The following MLLT10 variants were observed in gnomAD, a reference collection of about 807,000 sequenced individuals.
MLLT10 encodes the protein protein AF-10.
A neutral mutation model predicts 129.1 loss-of-function variants in MLLT10; 30 were observed. That is an observed-to-expected ratio of 0.23 (90% CI 0.17 to 0.32). The LOEUF is 0.32. Among genes scored for constraint, MLLT10 ranks in the 10% least tolerant of loss-of-function variants. The pLI is 1.00. For missense variants in MLLT10, 1,119 were observed against 1,268.3 expected, an observed-to-expected ratio of 0.88 and a Z score of 1.79; for synonymous variants, 490 against 446.4, an observed-to-expected ratio of 1.10 and a Z score of -1.23.
chr10:21,594,662 C>A (rs910685072), intron 4 of MLLT10, among the ~76,000 whole-genome samples: 4 of 149,716 alleles, frequency 2.7e-5, no homozygotes, highest in Non-Finnish European at 4.4e-5. Context: ...CTAGGACTTT[C>A]ATTCTTTTCC....
intron 3 of MLLT10, among the ~76,000 whole-genome samples, chr10:21,572,877 C>T (rs961951909): frequency 2.6e-5 from 4 of 152,134 alleles, no homozygotes; most frequent in African/African-American, 9.7e-5. Flanking sequence ...TTCCAAAGTG[C>T]TGGGATTACA....
At chr10:21,565,009 ACT>A (rs1019763301) in intron 3 of MLLT10, among the ~76,000 whole-genome samples, 2 of 151,658 alleles carry the variant, frequency 1.3e-5, no homozygotes, top group African/African-American at 4.8e-5. Context: ...GCATTTCTCC[ACT>A]CTGTTCCATC....
intron 16 of MLLT10, among the ~76,000 whole-genome samples, chr10:21,728,153 G>A (rs1457127043): frequency 6.6e-6 from 1 of 152,152 alleles, no homozygotes; most frequent in Non-Finnish European, 1.5e-5. Flanking sequence ...TTTCCAATCA[G>A]TTCGAACTCT....
chr10:21,534,844 C>G, intron 2 of MLLT10, 40 bp downstream of exon 2: 3 of 1,498,654 alleles, frequency 2.0e-6, no homozygotes, highest in Non-Finnish European at 2.7e-6. Flanking sequence ...CCGGCCTGCG[C>G]CCAACGGTCA....
chr10:21,665,310 G>T (rs990230339), intron 9 of MLLT10, among the ~76,000 whole-genome samples: 2 of 133,538 alleles, frequency 1.5e-5, no homozygotes, highest in Non-Finnish European at 3.2e-5. Context: ...TTGGGGGGGG[G>T]GGGGTTTCAC....
intron 8 of MLLT10, among the ~76,000 whole-genome samples, chr10:21,624,019 G>A (rs1263284603): frequency 6.6e-6 from 1 of 152,034 alleles, no homozygotes; most frequent in African/African-American, 2.4e-5. Flanking sequence ...CATGGCTTTT[G>A]ACGTTTAAGC....
intron 8 of MLLT10, among the ~76,000 whole-genome samples, chr10:21,643,950 G>A (rs2048250171): frequency 6.6e-6 from 1 of 151,988 alleles, no homozygotes; most frequent in African/African-American, 2.4e-5. Flanking sequence ...TTTAAAATTT[G>A]CATTACTGTG....
intron 5 of MLLT10, among the ~76,000 whole-genome samples, chr10:21,612,000 A>C (rs1340505771): frequency 6.6e-6 from 1 of 152,212 alleles, no homozygotes; most frequent in African/African-American, 2.4e-5. Flanking sequence ...CCCTTGTTAC[A>C]GGAATCAGTC....
Position 21,670,483 on chromosome 10 carries a change from G to A in MLLT10, c.830G>A (p.Gly277Glu), listed in dbSNP as rs753056738. The A allele has an allele frequency of 6.2e-7, 1 of 1,613,962 alleles. No homozygotes were observed. The highest frequency in any genetic ancestry group is 1.7e-5 in the Admixed American group (1 of 60,006). ...AGCACTAGCAACAACTCTATATCTG[G>A]ATCATTGAAGCGCTTGGAAGATACT... ...YTSTSNNSIS[G>E]SLKRLEDTTA... Residue 277 changes from glycine to glutamate, a missense_variant, in exon 10 of 23, where the codon GGA becomes GAA. Physicochemically the swap from Gly to Glu is moderately conservative, Grantham distance 98. This residue lies in a region of MLLT10 where 1,004 missense variants were observed against 1,008.7 expected (regional missense o/e 1.00). Coordinates refer to ENST00000307729, the MANE Select transcript of MLLT10 (RefSeq NM_001195626.3).
At chr10:21,700,545 CTTAG>C (rs1178929203) in intron 13 of MLLT10, among the ~76,000 whole-genome samples, 1 of 151,996 alleles carries the variant, frequency 6.6e-6, no homozygotes, top group African/African-American at 2.4e-5. Flanking sequence ...TCCTTCTGTG[CTTAG>C]TTTGAGAGTT....
intron 3 of MLLT10, among the ~76,000 whole-genome samples, chr10:21,540,107 G>A (rs1483485260): frequency 1.3e-5 from 2 of 151,982 alleles, no homozygotes; most frequent in South Asian, 4.1e-4. Flanking sequence ...AAAATTAGTT[G>A]GGGCTGGGCA....
chr10:21,564,555 A>G (rs1256157120), intron 3 of MLLT10: 3 of 151,618 alleles, frequency 2.0e-5, no homozygotes, highest in Non-Finnish European at 2.9e-5. Flanking sequence ...CAATTTTGGT[A>G]TATGTGCTGT....
chr10:21,574,656 G>A (rs1228579838), intron 3 of MLLT10, among the ~76,000 whole-genome samples: 3 of 152,180 alleles, frequency 2.0e-5, no homozygotes, highest in Admixed American at 2.0e-4. Context: ...TGGGAAAGGG[G>A]TGGGCAATTC....
At chr10:21,691,585 G>A (rs1243194) in intron 13 of MLLT10, among the ~76,000 whole-genome samples, 47,087 of 151,846 alleles carry the variant, frequency 0.31, 7,687 homozygotes, top group Middle Eastern at 0.46. Flanking sequence ...GTTGCCAATA[G>A]TAGAAAATCT....
chr10:21,735,315 C>T, intron 21 of MLLT10, 80 bp downstream of exon 21: 1 of 1,209,728 alleles, frequency 8.3e-7, no homozygotes, highest in Non-Finnish European at 1.2e-6. Flanking sequence ...CAGATTTCTC[C>T]TTTGTGAAAT....
intron 18 of MLLT10, among the ~76,000 whole-genome samples, 181 bp downstream of exon 18, chr10:21,733,268 CATAAT>C (rs1430228497): frequency 3.3e-5 from 5 of 151,990 alleles, no homozygotes; most frequent in African/African-American, 1.2e-4. Context: ...TTTCTTAGTC[CATAAT>C]ATAATGGTAA....
intron 22 of MLLT10, among the ~76,000 whole-genome samples, chr10:21,741,003 C>T (rs113329750): frequency 2.6e-5 from 4 of 152,190 alleles, no homozygotes; most frequent in African/African-American, 9.6e-5. Context: ...GGAGACTTGG[C>T]AAATGAGTGT....
In MLLT10 at chr10:21,626,436, G is replaced by C. The variant is rs562654285; in HGVS notation, c.699+9229G>C. ...AGCTGAAGGGGAAGCAGGTACGTGT[G>C]CAGAACGGGAGACCAAACATGAGAG... On this transcript the variant is annotated intron_variant, in intron 8 of 22. Coordinates refer to ENST00000307729, the MANE Select transcript of MLLT10 (RefSeq NM_001195626.3). 304 of 605,386 alleles carry C rather than the reference G, an allele frequency of 5.0e-4. No individual in the cohort carries two copies. The Middle Eastern group carries it at 5.6e-3, about 11-fold the overall frequency. The allele number at this position is 605,386 out of a possible 1,614,324, so 37.5% of individuals were successfully genotyped here. A position where few individuals can be genotyped will look rare whatever the true frequency, so the allele number is the denominator to read the frequency against.
chr10:21,575,973 C>CTG (rs1327024950), intron 3 of MLLT10, among the ~76,000 whole-genome samples: 2 of 152,060 alleles, frequency 1.3e-5, no homozygotes, highest in East Asian at 3.9e-4. Context: ...GTCACCCAGG[C>CTG]TGGAGTACAG....
Sources: gnomAD v4.1 joint callset for allele counts (sites outside exome capture counted in the v4.1 genomes callset) on GRCh38, gnomAD v4.1.1 for gene constraint, gnomAD v4.1.1 regional missense constraint, MANE v1.5 for transcripts, NCBI Gene and HGNC (gene_info 2026-07-23, HGNC 2026-07-21) for gene names.